The following MAK variants were observed in gnomAD, a reference collection of about 807,000 sequenced individuals.
The protein encoded by MAK is serine/threonine-protein kinase MAK.
In MAK, 65 loss-of-function variants were observed where a neutral mutation model predicts 82.6. That is an observed-to-expected ratio of 0.79 (90% confidence interval 0.64 to 0.97). MAK has a LOEUF of 0.97. MAK is among the 50% of genes least tolerant of loss of function. The pLI is 0.00. For synonymous variants in MAK, 250 were observed against 274.2 expected (o/e 0.91, Z 0.87); for missense variants, 703 against 780.2 (o/e 0.90, Z 1.18).
chr6:10,799,938 C>T (rs1000388034), intron 8 of MAK, among the ~76,000 whole-genome samples: 16 of 152,146 alleles, frequency 1.1e-4, no homozygotes, highest in Non-Finnish European at 1.5e-4. Context: ...GTCCCAGCTA[C>T]TAGGGAGGCT....
At chr6:10,833,087 T>C (rs899078698) in intron 1 of MAK, among the ~76,000 whole-genome samples, 12 of 152,334 alleles carry the variant, frequency 7.9e-5, no homozygotes, top group Non-Finnish European at 1.5e-4. Flanking sequence ...ATTTAAATCA[T>C]AGAAATTGCT....
At chr6:10,824,978 TACTC>T (rs754803055) in intron 2 of MAK, among the ~76,000 whole-genome samples, 2 of 152,140 alleles carry the variant, frequency 1.3e-5, no homozygotes, top group African/African-American at 2.4e-5. Flanking sequence ...GAAGAGTAAA[TACTC>T]ACTCTCTCAG....
intron 14 of MAK, among the ~76,000 whole-genome samples, chr6:10,766,703 C>A (rs1037891154): frequency 4.0e-5 from 6 of 151,834 alleles, no homozygotes; most frequent in Admixed American, 3.3e-4. Context: ...GAGTAGAGAG[C>A]GGGGAGAGAG....
intron 2 of MAK, among the ~76,000 whole-genome samples, chr6:10,828,753 C>T (rs973156542): frequency 6.6e-6 from 1 of 152,018 alleles, no homozygotes; most frequent in Non-Finnish European, 1.5e-5. Flanking sequence ...TATGTTTGTA[C>T]CACCGTACCT....
chr6:10,769,554 A>T (rs1224171230), intron 14 of MAK, among the ~76,000 whole-genome samples: 2 of 152,202 alleles, frequency 1.3e-5, no homozygotes, highest in Non-Finnish European at 2.9e-5. Context: ...GCCACCGCTA[A>T]TTTCTACGCC....
At chr6:10,833,107 T>C (rs1398339636) in intron 1 of MAK, among the ~76,000 whole-genome samples, 1 of 152,188 alleles carries the variant, frequency 6.6e-6, no homozygotes, top group South Asian at 2.1e-4. Context: ...TCCTCTATTA[T>C]TTGCAGGAAT....
chr6:10,835,069 G>A (rs1000697400), intron 1 of MAK, among the ~76,000 whole-genome samples: 13 of 152,198 alleles, frequency 8.5e-5, no homozygotes, highest in Admixed American at 6.5e-4. Context: ...CCCGCCCCAC[G>A]CAGTCCTGCG....
intron 2 of MAK, among the ~76,000 whole-genome samples, chr6:10,823,107 C>T (rs1409211844): frequency 6.6e-6 from 1 of 152,154 alleles, no homozygotes; most frequent in African/African-American, 2.4e-5. Context: ...ACTTTCTTCT[C>T]CATGTTTACA....
chr6:10,814,253 G>T (rs907332775), intron 4 of MAK, among the ~76,000 whole-genome samples: 1 of 152,124 alleles, frequency 6.6e-6, no homozygotes, highest in South Asian at 2.1e-4. Flanking sequence ...ACGGGCATGA[G>T]CCACTGCACC....
chr6:10,791,276 C>CT (rs1177810448), intron 10 of MAK, among the ~76,000 whole-genome samples: 75 of 151,416 alleles, frequency 5.0e-4, no homozygotes, highest in South Asian at 2.1e-4. Flanking sequence ...TTCTTTTTTT[C>CT]TTTTTTTTGA....
intron 7 of MAK, chr6:10,802,297 T>G (rs568805938): frequency 1.7e-5 from 8 of 468,500 alleles, no homozygotes; most frequent in Admixed American, 7.7e-5. Flanking sequence ...TATAGCTTTT[T>G]TTTGTTTGTT....
At position 10,800,329 on chromosome 6, in the gene MAK, A is replaced by G. The variant is rs1775920131; in HGVS notation, c.831+1563T>C. On this transcript the variant is annotated intron_variant, in intron 8 of 14. Coordinates refer to ENST00000354489, the MANE Select transcript of MAK (RefSeq NM_001242957.3). The surrounding 1 kb of genome is among the most constrained non-coding windows in gnomAD (Gnocchi z 4.2). The stretch of plus-strand genomic sequence containing the variant: ...TGTGTTTCTGTAGGAGTATTATATT[A>G]AGAATTAAAAATAATTTTCTCTGTC... 6.6e-6 allele frequency among the ~76,000 whole-genome samples: 1 copy of G among 151,988 alleles called. No individual in the cohort carries two copies. Among genetic ancestry groups the G allele is most frequent in the Admixed American group, 6.6e-5 (1 of 15,246 alleles).
At chr6:10,801,562 C>G (rs1007596344) in intron 8 of MAK, among the ~76,000 whole-genome samples, 1 of 152,200 alleles carries the variant, frequency 6.6e-6, no homozygotes, top group African/African-American at 2.4e-5. Flanking sequence ...CATGAGATGC[C>G]TTTTTGCTTC....
At chr6:10,798,348 C>T (rs952956235) in intron 8 of MAK, among the ~76,000 whole-genome samples, 25 of 151,952 alleles carry the variant, frequency 1.6e-4, no homozygotes, top group Non-Finnish European at 7.4e-5. Flanking sequence ...CTCCTGACCT[C>T]GTGATCCGCC....
intron 5 of MAK, 125 bp downstream of exon 5, chr6:10,813,519 A>T (rs1777227733): frequency 1.4e-6 from 1 of 693,284 alleles, no homozygotes; most frequent in African/African-American, 1.8e-5. Context: ...GTCAGTGTGT[A>T]TAGGCACATA....
intron 6 of MAK, among the ~76,000 whole-genome samples, chr6:10,804,290 G>GT (rs370713136): frequency 6.9e-4 from 105 of 151,946 alleles, no homozygotes; most frequent in South Asian, 5.4e-3. Flanking sequence ...GAGTAGTGGA[G>GT]TTTTTTTTTA....
In MAK at chr6:10,808,823, C is replaced by T. The variant is rs1776698088; in HGVS notation, c.478G>A (p.Val160Ile). 8 of 1,613,972 alleles carry T rather than the reference C, an allele frequency of 5.0e-6. No homozygotes were observed. Among genetic ancestry groups the T allele is most frequent in the Non-Finnish European group, 6.8e-6 (8 of 1,179,952 alleles). ...ACCCCTACTCACCATCTGGTAGATA[C>T]ATAATCAGTGTATGGTGGCTGTGAC... ...LRSQPPYTDY[V>I]STRWYRAPEV... Residue 160 changes from valine (V) to isoleucine (I), a missense_variant, in exon 6 of 15, where the codon GTA (valine) becomes ATA (isoleucine). Val to Ile is a conservative substitution (Grantham distance 29). Transcript: ENST00000354489.
chr6:10,788,171 T>C (rs1248324491), intron 10 of MAK, among the ~76,000 whole-genome samples: 1 of 151,732 alleles, frequency 6.6e-6, no homozygotes, highest in Non-Finnish European at 1.5e-5. Flanking sequence ...TTGTATTTTT[T>C]TGTAGAGATG....
intron 10 of MAK, among the ~76,000 whole-genome samples, chr6:10,789,237 C>A (rs1008197481): frequency 2.6e-5 from 4 of 151,994 alleles, no homozygotes; most frequent in Admixed American, 2.6e-4. Context: ...TGAAGACTTC[C>A]ATACTATACC....
Sources: allele counts gnomAD v4.1 joint callset (sites outside exome capture counted in the v4.1 genomes callset), GRCh38; gene constraint gnomAD v4.1.1; non-coding constraint Gnocchi (gnomAD v3.1); transcripts MANE v1.5; gene names NCBI Gene and HGNC (gene_info 2026-07-23, HGNC 2026-07-21).